The following MARCHF8 variants were observed in gnomAD, a reference collection of about 807,000 sequenced individuals.
MARCHF8 encodes membrane associated ring-CH-type finger 8, also known as E3 ubiquitin-protein ligase MARCHF8.
Under a neutral mutation model 51.6 loss-of-function variants are expected in MARCHF8, and 40 were observed. That is an observed-to-expected ratio of 0.77 (90% CI 0.60 to 1.01). MARCHF8 has a LOEUF of 1.01. MARCHF8 is among the 50% of genes least tolerant of loss of function. The pLI is 0.00. For missense variants in MARCHF8, 685 were observed against 708.6 expected (o/e 0.97, Z 0.38); for synonymous variants, 263 against 280.3 (o/e 0.94, Z 0.62).
intron 3 of MARCHF8, among the ~76,000 whole-genome samples, chr10:45,470,409 C>T (rs1313793643): frequency 2.0e-5 from 3 of 152,354 alleles, no homozygotes; most frequent in Non-Finnish European, 2.9e-5. Context: ...TCAAAGCCCA[C>T]TTGCGGTATC....
intron 1 of MARCHF8, among the ~76,000 whole-genome samples, chr10:45,563,068 C>T (rs2044328383): frequency 6.6e-6 from 1 of 152,002 alleles, no homozygotes; most frequent in South Asian, 2.1e-4. Flanking sequence ...ACTCTGTCAC[C>T]CAGGCTGGAG....
intron 1 of MARCHF8, among the ~76,000 whole-genome samples, chr10:45,566,687 T>G (rs139097932): frequency 4.8e-4 from 73 of 151,358 alleles, no homozygotes; most frequent in African/African-American, 1.7e-3. Context: ...AACACTTAGG[T>G]TGCTGGCAAA....
At chr10:45,492,035 T>C (rs2043089822) in intron 2 of MARCHF8, among the ~76,000 whole-genome samples, 1 of 152,266 alleles carries the variant, frequency 6.6e-6, no homozygotes, top group Non-Finnish European at 1.5e-5. Context: ...GCTAAAGCTG[T>C]TCCTTACCCT....
chr10:45,488,370 G>A (rs1256984955), intron 3 of MARCHF8, among the ~76,000 whole-genome samples: 1 of 151,996 alleles, frequency 6.6e-6, no homozygotes, highest in African/African-American at 2.4e-5. Context: ...TCCTGCCAAG[G>A]CCACAACCGC....
chr10:45,560,150 G>A (rs1031777252), intron 1 of MARCHF8, among the ~76,000 whole-genome samples: 2 of 152,082 alleles, frequency 1.3e-5, no homozygotes, highest in Non-Finnish European at 2.9e-5. Context: ...GTGAGAGGGA[G>A]CTGAGAACCA....
chr10:45,565,495 CTG>C (rs1234464247), intron 1 of MARCHF8, among the ~76,000 whole-genome samples: 1 of 151,562 alleles, frequency 6.6e-6, no homozygotes, highest in African/African-American at 2.4e-5. Flanking sequence ...GGGAATGGAA[CTG>C]TGTTATTGCA....
chr10:45,537,057 C>T (rs71496612), upstream of MARCHF8, among the ~76,000 whole-genome samples: 1 of 151,880 alleles, frequency 6.6e-6, no homozygotes, highest in Admixed American at 6.6e-5. Flanking sequence ...TCTATGCAGT[C>T]GTTTTGAAAA....
chr10:45,528,826 C>T (rs73287385), intron 2 of MARCHF8, among the ~76,000 whole-genome samples: 3,763 of 152,126 alleles, frequency 0.025, 160 homozygotes, highest in African/African-American at 0.085. Context: ...AAAACGCTGA[C>T]GAAAGAAATC....
At chr10:45,544,081 A>C (rs992855799) in intron 1 of MARCHF8, among the ~76,000 whole-genome samples, 2 of 152,104 alleles carry the variant, frequency 1.3e-5, no homozygotes, top group Non-Finnish European at 2.9e-5. Flanking sequence ...AAAATAAAAT[A>C]AAATAATGAA....
chr10:45,520,225 C>T (rs1396523192), intron 2 of MARCHF8, among the ~76,000 whole-genome samples: 1 of 152,096 alleles, frequency 6.6e-6, no homozygotes, highest in Non-Finnish European at 1.5e-5. Context: ...GCCTGGCTCA[C>T]AGTAAATGAT....
intron 1 of MARCHF8, among the ~76,000 whole-genome samples, chr10:45,573,527 A>G (rs1037584752): frequency 6.6e-5 from 10 of 152,172 alleles, no homozygotes; most frequent in Non-Finnish European, 1.3e-4. Flanking sequence ...GAATGCCTGA[A>G]GCCCGGGATT....
chr10:45,542,053 T>C (rs564455536), intron 1 of MARCHF8, among the ~76,000 whole-genome samples: 61 of 152,290 alleles, frequency 4.0e-4, no homozygotes, highest in African/African-American at 9.9e-4. Context: ...TAAAACTTGA[T>C]TGAACTCCTA....
chr10:45,489,462 A>T, intron 2 of MARCHF8, 45 bp from the exon 3 acceptor site: 1 of 1,515,664 alleles, frequency 6.6e-7, no homozygotes, highest in Non-Finnish European at 9.1e-7. Flanking sequence ...CTTTGATTAA[A>T]ATATGCAAAG....
chr10:45,468,786 T>C (rs1843056658), intron 3 of MARCHF8, among the ~76,000 whole-genome samples: 1 of 152,158 alleles, frequency 6.6e-6, no homozygotes, highest in Non-Finnish European at 1.5e-5. Context: ...AAATTAAAAC[T>C]ACAATGAGAT....
At chr10:45,590,210 T>C (rs2044662912) in intron 1 of MARCHF8, among the ~76,000 whole-genome samples, 1 of 152,252 alleles carries the variant, frequency 6.6e-6, no homozygotes, top group South Asian at 2.1e-4. Flanking sequence ...ACATGGTAGC[T>C]AATGATGTAA....
intron 1 of MARCHF8, among the ~76,000 whole-genome samples, chr10:45,574,398 T>C (rs1189242491): frequency 2.0e-5 from 3 of 152,180 alleles, no homozygotes; most frequent in Admixed American, 2.0e-4. Context: ...CAAACCCATA[T>C]ACTCTCCTAT....
chr10:45,476,505 C>G (rs541761789), intron 3 of MARCHF8, among the ~76,000 whole-genome samples: 1 of 152,302 alleles, frequency 6.6e-6, no homozygotes, highest in Non-Finnish European at 1.5e-5. Context: ...GAGTTGGAAG[C>G]TGCAGTTAGC....
chr10:45,573,677 G>C (rs1226915899), intron 1 of MARCHF8, among the ~76,000 whole-genome samples: 2 of 152,172 alleles, frequency 1.3e-5, no homozygotes, highest in Non-Finnish European at 2.9e-5. Context: ...CGTGGCTAAA[G>C]ACTGATGCTG....
intron 2 of MARCHF8, among the ~76,000 whole-genome samples, chr10:45,517,940 A>C (rs2043646807): frequency 1.3e-5 from 2 of 152,248 alleles, no homozygotes; most frequent in Admixed American, 1.3e-4. Flanking sequence ...ATTAATTGTA[A>C]GTGATAAACT....
Sources: gnomAD v4.1 joint callset for allele counts (sites outside exome capture counted in the v4.1 genomes callset) on GRCh38, gnomAD v4.1.1 for gene constraint, MANE v1.5 for transcripts, NCBI Gene and HGNC (gene_info 2026-07-23, HGNC 2026-07-21) for gene names.